The following ANAPC1 variants were observed in gnomAD, a reference collection of about 807,000 sequenced individuals.
ANAPC1 encodes anaphase-promoting complex subunit 1.
A neutral mutation model predicts 208.0 loss-of-function variants in ANAPC1; 36 were observed. The ratio of observed to expected loss-of-function variants is 0.17; its 90% CI spans 0.13 to 0.23. The LOEUF is 0.23. Ranked by LOEUF, ANAPC1 falls within the 10% of genes least tolerant of loss-of-function variation. The pLI, the probability that ANAPC1 is intolerant of heterozygous loss-of-function variation, is 1.00. For missense variants in ANAPC1, 942 were observed against 2,011.6 expected (o/e 0.47, Z 10.17); for synonymous variants, 378 against 695.2 (o/e 0.54, Z 7.18).
At chr2:111,839,401 C>T (rs1019112739) in intron 17 of ANAPC1, among the ~76,000 whole-genome samples, 5 of 152,150 alleles carry the variant, frequency 3.3e-5, no homozygotes, top group Non-Finnish European at 5.9e-5. Context: ...CTTCAATTTC[C>T]CCTGGCATAA....
intron 16 of ANAPC1, among the ~76,000 whole-genome samples, chr2:111,844,204 C>T (rs1341536136): frequency 1.3e-5 from 2 of 152,138 alleles, no homozygotes. Context: ...TCCTGATTTA[C>T]ATCCATTGCC....
At chr2:111,778,415 C>T (rs1677099747) in intron 45 of ANAPC1, among the ~76,000 whole-genome samples, 1 of 148,008 alleles carries the variant, frequency 6.8e-6, no homozygotes, top group South Asian at 2.2e-4. Context: ...CCCTCCTCTC[C>T]TAGTCAGGGG....
intron 21 of ANAPC1, among the ~76,000 whole-genome samples, chr2:111,830,816 C>A (rs1680088693): frequency 1.3e-5 from 2 of 152,194 alleles, no homozygotes; most frequent in South Asian, 4.1e-4. Context: ...AAGAGCCACT[C>A]TGGAAAACAG....
At chr2:111,844,714 T>C (rs946650223) in intron 16 of ANAPC1, among the ~76,000 whole-genome samples, 7 of 152,216 alleles carry the variant, frequency 4.6e-5, no homozygotes, top group Non-Finnish European at 7.3e-5. Flanking sequence ...CATTACATGA[T>C]GTTCTAAATG....
intron 10 of ANAPC1, among the ~76,000 whole-genome samples, chr2:111,861,915 C>T (rs552735424): frequency 8.5e-6 from 1 of 118,078 alleles, no homozygotes; most frequent in East Asian, 2.4e-4. Context: ...TTTATGATGA[C>T]TTTTTTTTTT....
chr2:111,821,945 A>T (rs917347723), intron 25 of ANAPC1, among the ~76,000 whole-genome samples: 1 of 152,098 alleles, frequency 6.6e-6, no homozygotes, highest in African/African-American at 2.4e-5. Context: ...CTGGGGCTGC[A>T]GTTTTATGTG....
At chr2:111,831,846 A>AG (rs1553425771) in intron 20 of ANAPC1, among the ~76,000 whole-genome samples, 15,004 of 87,178 alleles carry the variant, frequency 0.17, 3,553 homozygotes, top group African/African-American at 0.24. Context: ...AAAAAAAAAA[A>AG]GAATAACGTT....
intron 6 of ANAPC1, among the ~76,000 whole-genome samples, chr2:111,868,856 T>C (rs1682579980): frequency 6.6e-6 from 1 of 152,036 alleles, no homozygotes; most frequent in Non-Finnish European, 1.5e-5. Context: ...TTTTAAGGAA[T>C]TATTTTTTTT....
intron 21 of ANAPC1, among the ~76,000 whole-genome samples, chr2:111,826,430 A>G (rs112780657): frequency 0.029 from 4,369 of 152,270 alleles, 136 homozygotes; most frequent in African/African-American, 0.07. Context: ...CTATCCTACA[A>G]TATCATGTAA....
chr2:111,808,739 T>C (rs1365178241), intron 29 of ANAPC1, among the ~76,000 whole-genome samples: 4 of 151,110 alleles, frequency 2.6e-5, no homozygotes, highest in African/African-American at 9.7e-5. Context: ...CAAATAAACA[T>C]GGAGGTTAAT....
intron 38 of ANAPC1, among the ~76,000 whole-genome samples, chr2:111,791,077 T>TA (rs1209745290): frequency 6.6e-6 from 1 of 152,182 alleles, no homozygotes; most frequent in East Asian, 1.9e-4. Flanking sequence ...TTACCACAAA[T>TA]AAAAATTTTA....
downstream of ANAPC1, chr2:111,766,924 G>A (rs775369383): frequency 4.2e-5 from 20 of 470,730 alleles, no homozygotes; most frequent in South Asian, 2.9e-4. Flanking sequence ...CTTATTCAAG[G>A]AAGACTGGGC....
At chr2:111,818,237 CACAT>C (rs1243132624) in intron 27 of ANAPC1, among the ~76,000 whole-genome samples, 20 of 137,414 alleles carry the variant, frequency 1.5e-4, no homozygotes, top group Non-Finnish European at 2.5e-4. Context: ...TAATTATAAA[CACAT>C]ACATTTATTT....
chr2:111,857,198 G>A lies in ANAPC1; in HGVS notation c.1359-312C>T, dbSNP rs1681779073. 1.0e-5 allele frequency: 3 copies of A among 290,322 alleles called. No homozygotes were observed. In the South Asian group the frequency reaches 1.4e-4, roughly 14 times the overall value. The allele number at this position is 290,322 out of a possible 1,614,324, so 18.0% of individuals were successfully genotyped here. A position where few individuals can be genotyped will look rare whatever the true frequency, so the allele number is the denominator to read the frequency against. On this transcript the variant is annotated intron_variant, in intron 11 of 47. Transcript: ENST00000341068. ...TAGAACCATACATACACATAAATGA[G>A]TACATGTCAAATTGATGAAATTTGA...
chr2:111,835,557 G>C (rs1680417351), intron 18 of ANAPC1, among the ~76,000 whole-genome samples: 1 of 152,114 alleles, frequency 6.6e-6, no homozygotes, highest in Non-Finnish European at 1.5e-5. Context: ...GAAAAAACTG[G>C]GCCGGGTGCA....
At chr2:111,829,606 T>C (rs1404963012) in intron 21 of ANAPC1, among the ~76,000 whole-genome samples, 3 of 152,188 alleles carry the variant, frequency 2.0e-5, no homozygotes, top group African/African-American at 4.8e-5. Context: ...ATATGAAGGT[T>C]TGATCTTGGA....
chr2:111,847,297 T>C (rs1365288159), intron 15 of ANAPC1, 99 bp from the exon 16 acceptor site: 55 of 687,186 alleles, frequency 8.0e-5, no homozygotes, highest in Non-Finnish European at 2.4e-6. Flanking sequence ...ATCAAAGCAA[T>C]AAAATAAATG....
rs934143200 is a variant in ANAPC1, at chr2:111,842,622, G to A, written c.2040+790C>T. On this transcript the variant is annotated intron_variant, in intron 17 of 47. Transcript: ENST00000341068. Reference sequence around the variant, plus strand: ...TGCGCCATTGCACTCCAGCCTGGGCGACAGAGCGACATTCTGTCTCAAAAA... The same window carrying A: ...TGCGCCATTGCACTCCAGCCTGGGCAACAGAGCGACATTCTGTCTCAAAAA... Among the ~76,000 whole-genome samples, 42 of 142,980 alleles carry A rather than the reference G, an allele frequency of 2.9e-4. 1 individual carries two copies. Among genetic ancestry groups the A allele is most frequent in the African/African-American group, 9.2e-4 (35 of 38,170 alleles). 93.8% of individuals were successfully genotyped at this position (142,980 alleles called of 152,430 possible).
At chr2:111,781,588 C>T (rs577270004) in intron 43 of ANAPC1, among the ~76,000 whole-genome samples, 1 of 152,400 alleles carries the variant, frequency 6.6e-6, no homozygotes, top group East Asian at 1.9e-4. Context: ...GCCACTCATC[C>T]AGTCCGCCTG....
Sources: allele counts gnomAD v4.1 joint callset (sites outside exome capture counted in the v4.1 genomes callset), GRCh38; gene constraint gnomAD v4.1.1; transcripts MANE v1.5; gene names NCBI Gene and HGNC (gene_info 2026-07-23, HGNC 2026-07-21).